CAP2: variants seen among roughly 807,000 people sequenced by gnomAD.
CAP2 encodes adenylyl cyclase-associated protein 2.
Under a neutral mutation model 57.7 loss-of-function variants are expected in CAP2, and 24 were observed. That is an observed-to-expected ratio of 0.42 (90% CI 0.30 to 0.58). CAP2 has a LOEUF of 0.58. CAP2 is among the 20% of genes least tolerant of loss of function. The pLI, the probability that CAP2 is intolerant of heterozygous loss-of-function variation, is 0.22. For synonymous variants in CAP2, 194 were observed against 207.2 expected, an observed-to-expected ratio of 0.94 and a Z score of 0.55; for missense variants, 501 against 590.3, an observed-to-expected ratio of 0.85 and a Z score of 1.57.
rs544006874 is a variant in CAP2, at chr6:17,540,744, A to G, written c.827-229A>G. On this transcript the variant is annotated intron_variant, in intron 8 of 12. Coordinates refer to ENST00000229922, the MANE Select transcript of CAP2 (RefSeq NM_006366.3). Reference sequence around the variant, plus strand: ...ACTCCAGCCTAGGTGACAGAGCGAGACTCCATTTAAAAAACAACAACAACA... The same window carrying G: ...ACTCCAGCCTAGGTGACAGAGCGAGGCTCCATTTAAAAAACAACAACAACA... Among the ~76,000 whole-genome samples, 195 of 152,162 alleles carry G rather than the reference A, an allele frequency of 1.3e-3. 1 individual carries two copies. Among genetic ancestry groups the G allele is most frequent in the African/African-American group, 4.2e-3 (175 of 41,508 alleles).
chr6:17,520,336 CT>C (rs1762362060), intron 7 of CAP2, among the ~76,000 whole-genome samples: 1 of 152,116 alleles, frequency 6.6e-6, no homozygotes, highest in Non-Finnish European at 1.5e-5. Flanking sequence ...TCTCAAACTC[CT>C]GGGCTCAAGT....
intron 3 of CAP2, among the ~76,000 whole-genome samples, chr6:17,446,869 C>T (rs1026390255): frequency 6.6e-6 from 1 of 152,198 alleles, no homozygotes; most frequent in Non-Finnish European, 1.5e-5. Context: ...GCAGGGCACC[C>T]TAGTGGTCAG....
chr6:17,553,646 A>C (rs1282269859), intron 12 of CAP2, among the ~76,000 whole-genome samples: 2 of 151,756 alleles, frequency 1.3e-5, no homozygotes. Flanking sequence ...AAAAAAAAAA[A>C]AACAAGATCT....
intron 4 of CAP2, among the ~76,000 whole-genome samples, chr6:17,499,069 T>A (rs915104135): frequency 6.7e-6 from 1 of 150,034 alleles, no homozygotes; most frequent in Admixed American, 6.6e-5. Flanking sequence ...AAAAAAAAAA[T>A]GTGCCAATGA....
rs542976551 is a variant in CAP2, at chr6:17,413,925, G to A, written c.-1-7630G>A. ...AAACATTAGCCTGGCATGGTGGAGG[G>A]CGCCTGTAATTCCAGCTACTTGGGA... On this transcript the variant is annotated intron_variant, in intron 1 of 12. Transcript: ENST00000229922. Among the ~76,000 whole-genome samples, 78 of 152,074 alleles carry A rather than the reference G, an allele frequency of 5.1e-4. 1 individual carries two copies. The highest frequency in any genetic ancestry group is 6.8e-3 in the Middle Eastern group (2 of 292).
chr6:17,544,339 C>T (rs187620483), intron 11 of CAP2, among the ~76,000 whole-genome samples: 2 of 151,866 alleles, frequency 1.3e-5, no homozygotes, highest in Admixed American at 6.6e-5. Flanking sequence ...AAAATTGGTC[C>T]TAGATCATGA....
intron 7 of CAP2, among the ~76,000 whole-genome samples, chr6:17,536,016 A>G (rs1190654058): frequency 6.6e-6 from 1 of 151,892 alleles, no homozygotes. Context: ...ACAGTGTTTC[A>G]CCATGTTGGC....
chr6:17,536,396 T>C, intron 7 of CAP2: 1 of 428,994 alleles, frequency 2.3e-6, no homozygotes, highest in Non-Finnish European at 4.7e-6. Flanking sequence ...AGCCCGGTAT[T>C]GTGCTCTTGC....
At chr6:17,448,005 T>C (rs773605787) in intron 3 of CAP2, among the ~76,000 whole-genome samples, 1 of 152,244 alleles carries the variant, frequency 6.6e-6, no homozygotes, top group South Asian at 2.1e-4. Context: ...TGAGCTTCTG[T>C]TGTAACAAAG....
At chr6:17,522,081 C>T (rs1762405579) in intron 7 of CAP2, among the ~76,000 whole-genome samples, 1 of 151,942 alleles carries the variant, frequency 6.6e-6, no homozygotes, top group Non-Finnish European at 1.5e-5. Flanking sequence ...GGGACTCTAG[C>T]CTGGGCGACA....
intron 4 of CAP2, among the ~76,000 whole-genome samples, chr6:17,465,067 T>C (rs1487469629): frequency 6.6e-6 from 1 of 152,214 alleles, no homozygotes; most frequent in Non-Finnish European, 1.5e-5. Flanking sequence ...GATGAATGCA[T>C]TGGGTCTGTG....
chr6:17,422,282 A>G (rs1383562475), intron 2 of CAP2, among the ~76,000 whole-genome samples: 1 of 151,244 alleles, frequency 6.6e-6, no homozygotes, highest in East Asian at 1.9e-4. Context: ...AAAGGCAAAT[A>G]TGACTTTGAT....
At chr6:17,554,536 G>A (rs1173852369) in intron 12 of CAP2, among the ~76,000 whole-genome samples, 2 of 152,266 alleles carry the variant, frequency 1.3e-5, no homozygotes, top group African/African-American at 4.8e-5. Context: ...GGGATTACAG[G>A]TGTCAGCCAC....
At chr6:17,404,818 T>A (rs1345637658) in intron 1 of CAP2, among the ~76,000 whole-genome samples, 1 of 151,804 alleles carries the variant, frequency 6.6e-6, no homozygotes, top group East Asian at 1.9e-4. Flanking sequence ...ATGACACGTC[T>A]CAAAAGAGGA....
intron 4 of CAP2, among the ~76,000 whole-genome samples, chr6:17,482,197 A>G (rs1431144336): frequency 1.3e-5 from 2 of 152,194 alleles, no homozygotes; most frequent in Admixed American, 1.3e-4. Context: ...GGCTTAAACA[A>G]CAGAAGCCTA....
chr6:17,529,696 A>G (rs1029382988), intron 7 of CAP2, among the ~76,000 whole-genome samples: 2 of 150,752 alleles, frequency 1.3e-5, no homozygotes, highest in Non-Finnish European at 2.9e-5. Flanking sequence ...TACAGTATGA[A>G]TTTGTGAAGG....
chr6:17,444,820 A>ACACAC (rs1316520343), intron 3 of CAP2, among the ~76,000 whole-genome samples: 1 of 147,968 alleles, frequency 6.8e-6, no homozygotes, highest in Non-Finnish European at 1.5e-5. Context: ...ACACACACAC[A>ACACAC]CACACACACA....
intron 3 of CAP2, among the ~76,000 whole-genome samples, chr6:17,441,926 AT>A (rs1425157122): frequency 6.6e-6 from 1 of 152,210 alleles, no homozygotes; most frequent in Non-Finnish European, 1.5e-5. Context: ...CACTTTTCAA[AT>A]TTAAAATTAA....
chr6:17,432,874 T>A (rs1326803819), intron 3 of CAP2, among the ~76,000 whole-genome samples: 1 of 151,806 alleles, frequency 6.6e-6, no homozygotes, highest in Non-Finnish European at 1.5e-5. Flanking sequence ...TTTGTCTTCC[T>A]CCCTTCCTTC....
Sources: gnomAD v4.1 joint callset for allele counts (sites outside exome capture counted in the v4.1 genomes callset) on GRCh38, gnomAD v4.1.1 for gene constraint, MANE v1.5 for transcripts, NCBI Gene and HGNC (gene_info 2026-07-23, HGNC 2026-07-21) for gene names.